Variants in SGCB observed in about 807,000 individuals in gnomAD.
SGCB encodes beta-sarcoglycan.
A neutral mutation model predicts 27.3 loss-of-function variants in SGCB; 25 were observed. That is an observed-to-expected ratio of 0.92 (90% CI 0.67 to 1.28). The LOEUF is 1.28. SGCB is among the 50% of genes most tolerant of loss of function. SGCB has a pLI of 0.00. For synonymous variants in SGCB, 147 were observed against 133.5 expected (o/e 1.10, Z -0.70); for missense variants, 436 against 402.1 (o/e 1.08, Z -0.72).
chr4:52,031,451 C>T (rs1273818473), intron 2 of SGCB, among the ~76,000 whole-genome samples: 7 of 121,384 alleles, frequency 5.8e-5, no homozygotes, highest in African/African-American at 2.0e-4. Flanking sequence ...TGTGTGTGTG[C>T]ACGCGCATAT....
At position 52,021,044 on chromosome 4, in the gene SGCB, T is replaced by C. The variant is rs1255933910; in HGVS notation, c.*2913A>G. 6.6e-6 allele frequency: 1 copy of C among 152,214 alleles called. No individual in the cohort carries two copies. The highest frequency in any genetic ancestry group is 2.4e-5 in the African/African-American group (1 of 41,450). The allele number at this position is 152,214 out of a possible 1,614,324, so 9.4% of individuals were successfully genotyped here. A position where few individuals can be genotyped will look rare whatever the true frequency, so the allele number is the denominator to read the frequency against. ...GCAAAAAGAAGACAAATAAGTATAT[T>C]TTAAAATATTATCAGCAGTCCGTTT... On this transcript the variant is annotated 3_prime_UTR_variant, in exon 6 of 6. Transcript: ENST00000381431.
intron 2 of SGCB, among the ~76,000 whole-genome samples, chr4:52,032,339 C>A (rs1357404993): frequency 6.6e-6 from 1 of 152,202 alleles, no homozygotes; most frequent in Non-Finnish European, 1.5e-5. Context: ...ATTCTCCTCT[C>A]TGATAAGTTA....
At chr4:52,027,056 ATAAAAG>A (rs773025880) in intron 5 of SGCB, among the ~76,000 whole-genome samples, 9 of 152,228 alleles carry the variant, frequency 5.9e-5, no homozygotes, top group Non-Finnish European at 1.0e-4. Context: ...AAAACTGCTT[ATAAAAG>A]TAAAACAACT....
chr4:52,026,115 G>T (rs1312272165), intron 5 of SGCB, among the ~76,000 whole-genome samples: 5 of 152,122 alleles, frequency 3.3e-5, no homozygotes, highest in Non-Finnish European at 5.9e-5. Flanking sequence ...AAATAATGGA[G>T]ATGGTTAACT....
rs1054710521 is a variant in SGCB at position 52,021,078 on chromosome 4, T to G, written c.*2879A>C. The G allele has an allele frequency of 1.3e-5, 2 of 152,200 alleles. No homozygotes were observed. The highest frequency in any genetic ancestry group is 4.8e-5 in the African/African-American group (2 of 41,446). The allele number at this position is 152,200 out of a possible 1,614,324, so 9.4% of individuals were successfully genotyped here. On this transcript the variant is annotated 3_prime_UTR_variant, in exon 6 of 6. Transcript: ENST00000381431. ...TTATCAGCAGTCCGTTTTGTGTGGT[T>G]TTACATTTTTCTGTCTGCCCATTAT... is the stretch of plus-strand genomic sequence containing the variant.
intron 5 of SGCB, among the ~76,000 whole-genome samples, chr4:52,026,537 G>GT (rs1185785476): frequency 1.3e-5 from 2 of 152,062 alleles, no homozygotes; most frequent in African/African-American, 4.8e-5. Flanking sequence ...GATTACAGGC[G>GT]TAAGTCATCG....
In SGCB at chr4:52,034,331, C is replaced by CA. The variant is rs541129158; in HGVS notation, c.34-692dup. On this transcript the variant is annotated intron_variant, in intron 1 of 5. Coordinates refer to ENST00000381431, the MANE Select transcript of SGCB (RefSeq NM_000232.5). The stretch of plus-strand genomic sequence containing the variant: ...TGGGCGACAGAGCGAGACTCCGTCT[C>CA]AAAAAAAAAAAAAAAAAAAAAAAAA... Among the ~76,000 whole-genome samples, 62 of 26,514 alleles carry CA rather than the reference C, an allele frequency of 2.3e-3. 11 individuals carry two copies. Among genetic ancestry groups the CA allele is most frequent in the African/African-American group, 5.3e-3 (37 of 6,990 alleles). 17.4% of individuals were successfully genotyped at this position (26,514 alleles called of 152,430 possible).
intron 1 of SGCB, among the ~76,000 whole-genome samples, chr4:52,035,983 G>A (rs1345116490): frequency 6.6e-6 from 1 of 152,186 alleles, no homozygotes; most frequent in Non-Finnish European, 1.5e-5. Flanking sequence ...CTATAAGCCA[G>A]GTGCTCCAAG....
rs995446499 is a variant in SGCB, at chr4:52,021,580, C to T, written c.*2377G>A. 6.5e-6 allele frequency: 1 copy of T among 152,774 alleles called. No individual in the cohort carries two copies. The highest frequency in any genetic ancestry group is 6.5e-5 in the Admixed American group (1 of 15,292). 9.5% of individuals were successfully genotyped at this position (152,774 alleles called of 1,614,324 possible). On this transcript the variant is annotated 3_prime_UTR_variant, in exon 6 of 6. Coordinates refer to ENST00000381431, the MANE Select transcript of SGCB (RefSeq NM_000232.5). ...GCTGAGGCAGGAGAATCGCTTGAAC[C>T]TGGGAGGCAGAGGTTGCAGTGAGCC...
Position 52,038,229 on chromosome 4 carries a change from GT to G in SGCB, c.30del (p.Glu10AspfsTer9), listed in dbSNP as rs2109380824. The G allele has an allele frequency of 7.8e-7, 1 of 1,282,918 alleles. No homozygotes were observed. The highest frequency in any genetic ancestry group is 9.9e-7 in the Non-Finnish European group (1 of 1,011,718). The allele number at this position is 1,282,918 out of a possible 1,614,324, so 79.5% of individuals were successfully genotyped here. On this transcript the variant is annotated frameshift_variant, in exon 1 of 6. Coordinates refer to ENST00000381431, the MANE Select transcript of SGCB (RefSeq NM_000232.5). LOFTEE classifies it high-confidence loss of function. MAAAAAAAA[E>X]QQSSNGPVKK... ...CGGCCGCGGCGGTACTCACAGACCT[GT>G]TCTGCAGCCGCCGCCGCCGCTGCCG...
At position 52,021,936 on chromosome 4, in the gene SGCB, TAATA is replaced by T. The variant is rs1380543832; in HGVS notation, c.*2017_*2020del. 1.3e-5 allele frequency: 2 copies of T among 152,206 alleles called. No individual in the cohort carries two copies. The highest frequency in any genetic ancestry group is 4.8e-5 in the African/African-American group (2 of 41,460). 9.4% of individuals were successfully genotyped at this position (152,206 alleles called of 1,614,324 possible). ...AATAGATTATTTCCTGAACTACATT[TAATA>T]AATAATATTTTGTAATACAGTGTTT... On this transcript the variant is annotated 3_prime_UTR_variant, in exon 6 of 6. Transcript: ENST00000381431.
At chr4:52,027,050 C>A (rs1166816258) in intron 5 of SGCB, among the ~76,000 whole-genome samples, 1 of 152,170 alleles carries the variant, frequency 6.6e-6, no homozygotes, top group Non-Finnish European at 1.5e-5. Flanking sequence ...GGGGGAAAAA[C>A]TGCTTATAAA....
rs1208477138 is a variant in SGCB, at chr4:52,022,718, ACT to A, written c.*1237_*1238del. On this transcript the variant is annotated 3_prime_UTR_variant, in exon 6 of 6. Coordinates refer to ENST00000381431, the MANE Select transcript of SGCB (RefSeq NM_000232.5). ...TGGGTCTATGGCCTCCCCACTTTCCACTGTGTTGCCCCGAGTGCTGAGGGTAT... is the reference window on the plus strand; with the variant it reads ...TGGGTCTATGGCCTCCCCACTTTCCAGTGTTGCCCCGAGTGCTGAGGGTAT... 1.3e-5 allele frequency: 2 copies of A among 152,024 alleles called. No individual in the cohort carries two copies. The highest frequency in any genetic ancestry group is 4.8e-5 in the African/African-American group (2 of 41,380). The allele number at this position is 152,024 out of a possible 1,614,324, so 9.4% of individuals were successfully genotyped here.
intron 2 of SGCB, chr4:52,032,007 C>T: frequency 2.2e-6 from 1 of 454,820 alleles, no homozygotes; most frequent in Non-Finnish European, 4.4e-6. Flanking sequence ...AAGGGAGTCT[C>T]AGGACCCAGA....
intron 2 of SGCB, chr4:52,032,038 A>T: frequency 2.2e-6 from 1 of 448,072 alleles, no homozygotes; most frequent in Non-Finnish European, 4.5e-6. Context: ...TCAGTATGGA[A>T]ACCCAACCCC....
intron 2 of SGCB, among the ~76,000 whole-genome samples, 188 bp downstream of exon 2, chr4:52,033,243 A>AT (rs1198375901): frequency 3.3e-5 from 5 of 152,124 alleles, no homozygotes; most frequent in Non-Finnish European, 5.9e-5. Context: ...ACCCATGCAC[A>AT]TTTTTTTGTA....
chr4:52,023,907 T>C lies in SGCB; in HGVS notation c.*50A>G, dbSNP rs768843131. The C allele has an allele frequency of 5.5e-6, 8 of 1,456,242 alleles. No homozygotes were observed. The Admixed American group carries it at 6.7e-5, about 12-fold the overall frequency. 90.2% of individuals were successfully genotyped at this position (1,456,242 alleles called of 1,614,324 possible). On this transcript the variant is annotated 3_prime_UTR_variant, in exon 6 of 6. Coordinates refer to ENST00000381431, the MANE Select transcript of SGCB (RefSeq NM_000232.5). ...CTGTAAAAACAATGATTTGCATGCA[T>C]AAAAAAGTCAAGTCAAGATATAAAC...
At chr4:52,036,070 C>T (rs879809616) in intron 1 of SGCB, among the ~76,000 whole-genome samples, 3 of 152,208 alleles carry the variant, frequency 2.0e-5, no homozygotes, top group Admixed American at 2.0e-4. Flanking sequence ...AGGTGACTAA[C>T]AGTTCACAAA....
In SGCB at chr4:52,029,939, T is replaced by A. The variant is rs1049153955; in HGVS notation, c.244-76A>T. On this transcript the variant is annotated intron_variant, in intron 2 of 5. Transcript: ENST00000381431. ...ATTGGAAAACAAATAGAAAATATTA[T>A]CACCAAAATGTTAAAGACCTCCTAA... The A allele has an allele frequency of 4.6e-5, 51 of 1,119,280 alleles. No individual in the cohort carries two copies. The African/African-American group carries it at 6.9e-4, about 15-fold the overall frequency. 69.3% of individuals were successfully genotyped at this position (1,119,280 alleles called of 1,614,324 possible).
Sources: gnomAD v4.1 joint callset for allele counts (sites outside exome capture counted in the v4.1 genomes callset) on GRCh38, gnomAD v4.1.1 for gene constraint, MANE v1.5 for transcripts, NCBI Gene and HGNC (gene_info 2026-07-23, HGNC 2026-07-21) for gene names.